The following RHOBTB2 variants were observed in gnomAD, a reference collection of about 807,000 sequenced individuals.
The protein encoded by RHOBTB2 is Rho related BTB domain containing 2, also known as rho-related BTB domain-containing protein 2.
RHOBTB2 carries 39 observed loss-of-function variants against 66.5 expected under a neutral mutation model. The observed-to-expected ratio is 0.59, with a 90% confidence interval of 0.45 to 0.77. The LOEUF is 0.77. Ranked by LOEUF, RHOBTB2 falls within the 30% of genes least tolerant of loss-of-function variation. The pLI is 0.00. For synonymous variants in RHOBTB2, 390 were observed against 395.0 expected, an observed-to-expected ratio of 0.99 and a Z score of 0.15; for missense variants, 755 against 999.1, an observed-to-expected ratio of 0.76 and a Z score of 3.29.
chr8:23,015,769 G>A (rs1212496400), intron 9 of RHOBTB2, 26 bp downstream of exon 9: 1 of 1,501,648 alleles, frequency 6.7e-7, no homozygotes, highest in Non-Finnish European at 9.3e-7. Flanking sequence ...AGTCCTGGCA[G>A]TACCTGCTGC....
At chr8:23,014,665 T>C in intron 7 of RHOBTB2, 25 bp from the exon 8 acceptor site, 1 of 1,607,320 alleles carries the variant, frequency 6.2e-7, no homozygotes, top group Non-Finnish European at 8.5e-7. Context: ...CTTCTTCAGC[T>C]GATTGGTGGC....
upstream of RHOBTB2, chr8:22,994,554 C>T (rs1440607697): frequency 6.5e-7 from 1 of 1,544,308 alleles, no homozygotes; most frequent in Non-Finnish European, 8.8e-7. Context: ...CTGTTCCTCA[C>T]AACCAGGAGC....
In RHOBTB2 at chr8:23,005,362, C is replaced by G; in HGVS notation, c.193-10C>G. The G allele has an allele frequency of 6.2e-7, 1 of 1,606,558 alleles. No individual in the cohort carries two copies. Among genetic ancestry groups the G allele is most frequent in the Non-Finnish European group, 8.5e-7 (1 of 1,173,456 alleles). On this transcript the variant is annotated splice_polypyrimidine_tract_variant and intron_variant, in intron 2 of 9. Coordinates refer to ENST00000251822, the MANE Select transcript of RHOBTB2 (RefSeq NM_015178.3). ...TGCCTTCGAGTCCCACTCTTCCTCC[C>G]CGTCCCCAGGTGCTGGAACGCTCCC...
chr8:23,003,573 C>T lies in RHOBTB2; in HGVS notation c.-10-852C>T, dbSNP rs538287967. The stretch of plus-strand genomic sequence containing the variant: ...GGTGGAGGTGGATCTCACTCTCTGA[C>T]GCTGGGGGCAGGGTGCTGGGAGGAC... On this transcript the variant is annotated intron_variant, in intron 1 of 9. Coordinates refer to ENST00000251822, the MANE Select transcript of RHOBTB2 (RefSeq NM_015178.3). Among the ~76,000 whole-genome samples, 7 of 152,312 alleles carry T rather than the reference C, an allele frequency of 4.6e-5. 1 individual carries two copies. The highest frequency in any genetic ancestry group is 1.2e-4 in the African/African-American group (5 of 41,572).
chr8:22,990,920 G>A (rs1245318020), intron 1 of RHOBTB2, among the ~76,000 whole-genome samples: 2 of 152,120 alleles, frequency 1.3e-5, no homozygotes, highest in Non-Finnish European at 2.9e-5. Context: ...TGCCTCCCCC[G>A]ACCTCAATTC....
the RHOBTB2 span, among the ~76,000 whole-genome samples, chr8:22,974,943 G>T: frequency 1.3e-5 from 2 of 152,054 alleles, no homozygotes; most frequent in East Asian, 3.9e-4. Flanking sequence ...TCTTCATCTG[G>T]GGTTATCTCC....
At chr8:23,010,420 G>C (rs1811106435) in intron 6 of RHOBTB2, 118 bp from the exon 7 acceptor site, 1 of 1,175,014 alleles carries the variant, frequency 8.5e-7, no homozygotes, top group African/African-American at 1.5e-5. Context: ...GCACAGGGAA[G>C]GCTGCCCGTC....
At chr8:23,016,222 A>C (rs1811288292) in intron 9 of RHOBTB2, among the ~76,000 whole-genome samples, 2 of 151,402 alleles carry the variant, frequency 1.3e-5, no homozygotes, top group Non-Finnish European at 2.9e-5. Context: ...CTCAACAGAA[A>C]CTGCACAGGC....
Position 22,999,589 on chromosome 8 carries a change from C to T in RHOBTB2, c.-527C>T. On this transcript the variant is annotated 5_prime_UTR_variant, in exon 1 of 10. Coordinates refer to ENST00000251822, the MANE Select transcript of RHOBTB2 (RefSeq NM_015178.3). ...GTCGTCTTGGGTGCGATTTTTTTCT[C>T]CTCCTTTTTTTACCCTCCCGTTTTT... 1.6e-6 allele frequency: 2 copies of T among 1,227,226 alleles called. No homozygotes were observed. The highest frequency in any genetic ancestry group is 6.1e-5 in the Admixed American group (2 of 32,530). 76.0% of individuals were successfully genotyped at this position (1,227,226 alleles called of 1,614,324 possible).
chr8:22,955,899 G>T, the RHOBTB2 span, among the ~76,000 whole-genome samples: 4 of 151,878 alleles, frequency 2.6e-5, no homozygotes, highest in Non-Finnish European at 5.9e-5. Context: ...CCCACTCTGC[G>T]CTGGGTATAG....
In RHOBTB2 at chr8:23,017,526, C is replaced by G. The variant is rs1811332961; in HGVS notation, c.*57C>G. On this transcript the variant is annotated 3_prime_UTR_variant, in exon 10 of 10. Coordinates refer to ENST00000251822, the MANE Select transcript of RHOBTB2 (RefSeq NM_015178.3). This position sits in a 1 kb window ranked among gnomAD's most constrained non-coding sequence, Gnocchi z 5.3. ...GTTGTCCCCATCCGCCTTCACCCCT[C>G]TGCTCTTCCGCATCACCCCATCCAC... The G allele has an allele frequency of 2.6e-6, 4 of 1,546,886 alleles. No individual in the cohort carries two copies. The highest frequency in any genetic ancestry group is 3.5e-6 in the Non-Finnish European group (4 of 1,144,786).
the RHOBTB2 span, among the ~76,000 whole-genome samples, chr8:22,968,258 C>T: frequency 4.0e-5 from 6 of 151,592 alleles, no homozygotes; most frequent in Admixed American, 1.3e-4. Flanking sequence ...CTTAGTTAAG[C>T]TAAAATGGGA....
chr8:22,954,307 GT>G, the RHOBTB2 span, among the ~76,000 whole-genome samples: 2 of 152,078 alleles, frequency 1.3e-5, no homozygotes, highest in South Asian at 2.1e-4. Context: ...CACCAGACAG[GT>G]TTTTTTTGTT....
chr8:22,956,840 A>C, the RHOBTB2 span, among the ~76,000 whole-genome samples: 2 of 152,126 alleles, frequency 1.3e-5, no homozygotes, highest in Non-Finnish European at 2.9e-5. Flanking sequence ...TTATATTTTT[A>C]GTAGAGACGG....
At chr8:23,009,705 G>T (rs149220507) in intron 6 of RHOBTB2, among the ~76,000 whole-genome samples, 43 of 152,360 alleles carry the variant, frequency 2.8e-4, no homozygotes, top group African/African-American at 7.5e-4. Flanking sequence ...CATTTTCTAA[G>T]ATTTCTGGGA....
chr8:22,970,603 T>TA, the RHOBTB2 span, among the ~76,000 whole-genome samples: 2,052 of 143,746 alleles, frequency 0.014, 40 homozygotes, highest in African/African-American at 0.044. Context: ...ACTCTGTCCC[T>TA]AAAAAAAAAA....
chr8:22,951,028 G>A, the RHOBTB2 span, among the ~76,000 whole-genome samples: 1 of 152,028 alleles, frequency 6.6e-6, no homozygotes, highest in Non-Finnish European at 1.5e-5. Flanking sequence ...TTTGGGGGCT[G>A]TTTTTCATTA....
chr8:22,997,321 G>A (rs76407828), upstream of RHOBTB2, among the ~76,000 whole-genome samples: 7,935 of 152,172 alleles, frequency 0.052, 669 homozygotes, highest in African/African-American at 0.18. Context: ...TGAAATGATG[G>A]GGAAGGACTT....
the RHOBTB2 span, among the ~76,000 whole-genome samples, chr8:22,978,497 A>C: frequency 1.3e-5 from 2 of 150,952 alleles, no homozygotes; most frequent in Admixed American, 6.6e-5. Context: ...AAAAAAAAAA[A>C]AACAAAAAAA....
Sources: gnomAD v4.1 joint callset for allele counts (sites outside exome capture counted in the v4.1 genomes callset) on GRCh38, gnomAD v4.1.1 for gene constraint, Gnocchi (gnomAD v3.1) non-coding constraint, MANE v1.5 for transcripts, NCBI Gene and HGNC (gene_info 2026-07-23, HGNC 2026-07-21) for gene names.